The following SFXN5 variants were observed in gnomAD, a reference collection of about 807,000 sequenced individuals.
SFXN5 encodes the protein sideroflexin 5.
Under a neutral mutation model 50.2 loss-of-function variants are expected in SFXN5, and 43 were observed. The observed-to-expected ratio is 0.86, with a 90% confidence interval of 0.67 to 1.11. SFXN5 has a LOEUF of 1.11. Among genes scored for constraint, SFXN5 ranks in the 50% least tolerant of loss-of-function variants. The probability of loss-of-function intolerance (pLI) is 0.00; values close to 1 mark genes in which losing one functional copy is unlikely to be tolerated. For missense variants in SFXN5, 463 were observed against 454.1 expected (o/e 1.02, Z -0.18); for synonymous variants, 203 against 185.8 (o/e 1.09, Z -0.75).
At chr2:73,000,330 C>A (rs1356566945) in intron 8 of SFXN5, 101 bp downstream of exon 8, 17 of 1,196,366 alleles carry the variant, frequency 1.4e-5, no homozygotes, top group Non-Finnish European at 1.5e-5. Flanking sequence ...CCATGCTTAA[C>A]CAAGAGGCAG....
intron 6 of SFXN5, among the ~76,000 whole-genome samples, chr2:73,016,229 C>T (rs946334864): frequency 2.6e-5 from 4 of 151,942 alleles, no homozygotes; most frequent in Non-Finnish European, 5.9e-5. Context: ...AGATATATTC[C>T]AACAATATCA....
intron 1 of SFXN5, among the ~76,000 whole-genome samples, chr2:73,068,665 C>G (rs944714418): frequency 1.3e-5 from 2 of 151,988 alleles, no homozygotes; most frequent in Admixed American, 6.6e-5. Flanking sequence ...TCTTAACTGC[C>G]AGGCACTGTG....
At chr2:72,972,713 A>G (rs938545091) in intron 10 of SFXN5, among the ~76,000 whole-genome samples, 1 of 152,174 alleles carries the variant, frequency 6.6e-6, no homozygotes, top group Non-Finnish European at 1.5e-5. Context: ...GTGGGGGGTG[A>G]CAAATGCAGA....
chr2:72,986,689 T>C (rs1671963975), intron 10 of SFXN5, among the ~76,000 whole-genome samples: 2 of 152,344 alleles, frequency 1.3e-5, no homozygotes, highest in Non-Finnish European at 2.9e-5. Context: ...TTTTTAGTTT[T>C]AAAAACTCCT....
At chr2:73,008,060 C>T (rs552234688) in intron 6 of SFXN5, among the ~76,000 whole-genome samples, 263 of 152,188 alleles carry the variant, frequency 1.7e-3, no homozygotes, top group Non-Finnish European at 3.1e-3. Context: ...AGGGATGAGG[C>T]GGCTTGGGAG....
At chr2:72,984,529 T>C (rs1439115893) in intron 10 of SFXN5, among the ~76,000 whole-genome samples, 1 of 151,976 alleles carries the variant, frequency 6.6e-6, no homozygotes, top group Non-Finnish European at 1.5e-5. Context: ...CTGGGAGGCC[T>C]GGGCTCTGGC....
chr2:73,027,017 G>A (rs1327544261), intron 3 of SFXN5, among the ~76,000 whole-genome samples: 5 of 152,138 alleles, frequency 3.3e-5, no homozygotes, highest in African/African-American at 7.2e-5. Context: ...GTGAGCCACC[G>A]TGCCCAGCCA....
rs1671755628 is a variant in SFXN5 at position 72,944,870 on chromosome 2, G to A, written c.*152C>T. The stretch of plus-strand genomic sequence containing the variant: ...CCTATGTTAAAATGTGAATGGGTCA[G>A]TCTCCCTCCACTGTAGGTTGAGCAC... On this transcript the variant is annotated 3_prime_UTR_variant, in exon 14 of 14. Coordinates refer to ENST00000272433, the MANE Select transcript of SFXN5 (RefSeq NM_144579.3). The A allele has an allele frequency of 3.2e-6, 2 of 626,744 alleles. No homozygotes were observed. The highest frequency in any genetic ancestry group is 1.8e-5 in the African/African-American group (1 of 54,068). 38.8% of individuals were successfully genotyped at this position (626,744 alleles called of 1,614,324 possible).
intron 6 of SFXN5, among the ~76,000 whole-genome samples, chr2:73,014,848 T>G (rs1675956020): frequency 6.6e-6 from 1 of 152,224 alleles, no homozygotes; most frequent in Non-Finnish European, 1.5e-5. Flanking sequence ...TGTATACTTG[T>G]CTTACATCCA....
chr2:72,965,965 C>G (rs1218448099), intron 12 of SFXN5, among the ~76,000 whole-genome samples: 1 of 152,194 alleles, frequency 6.6e-6, no homozygotes, highest in Non-Finnish European at 1.5e-5. Context: ...TAAGGAGGGC[C>G]TGTCTGAGAC....
At chr2:73,043,000 A>C (rs1467362184) in intron 2 of SFXN5, among the ~76,000 whole-genome samples, 1 of 152,166 alleles carries the variant, frequency 6.6e-6, no homozygotes, top group East Asian at 1.9e-4. Flanking sequence ...CCTGGGGGGC[A>C]AAGGTTGCAG....
Position 73,058,442 on chromosome 2 carries a change from T to C in SFXN5, c.171+86A>G, listed in dbSNP as rs1353461840. The C allele has an allele frequency of 3.0e-6, 4 of 1,312,630 alleles. No individual in the cohort carries two copies. The African/African-American group carries it at 5.8e-5, about 19-fold the overall frequency. 81.3% of individuals were successfully genotyped at this position (1,312,630 alleles called of 1,614,324 possible). On this transcript the variant is annotated intron_variant, in intron 2 of 13. Coordinates refer to ENST00000272433, the MANE Select transcript of SFXN5 (RefSeq NM_144579.3). Reference sequence around the variant, plus strand: ...CTCCCCTATTCTCTTCACTCCCCCATCCTCACCCTCCCTTAATGACCCACA... The same window carrying C: ...CTCCCCTATTCTCTTCACTCCCCCACCCTCACCCTCCCTTAATGACCCACA...
At chr2:73,007,122 T>G (rs914188594) in intron 6 of SFXN5, among the ~76,000 whole-genome samples, 3 of 152,116 alleles carry the variant, frequency 2.0e-5, no homozygotes, top group Non-Finnish European at 4.4e-5. Flanking sequence ...CAGCTGAAGA[T>G]AAAGGCAGGA....
At chr2:73,018,306 C>T (rs1676420964) in intron 6 of SFXN5, among the ~76,000 whole-genome samples, 1 of 151,702 alleles carries the variant, frequency 6.6e-6, no homozygotes, top group Non-Finnish European at 1.5e-5. Flanking sequence ...AAAAGATGAA[C>T]CTAGAATATC....
intron 6 of SFXN5, among the ~76,000 whole-genome samples, chr2:73,009,784 T>A (rs978711154): frequency 6.6e-6 from 1 of 152,172 alleles, no homozygotes; most frequent in African/African-American, 2.4e-5. Context: ...TGGATCAGCA[T>A]CCAAGTCTCC....
chr2:73,023,380 G>A (rs917141638), intron 3 of SFXN5, among the ~76,000 whole-genome samples, 166 bp from the exon 4 acceptor site: 1 of 152,190 alleles, frequency 6.6e-6, no homozygotes, highest in Non-Finnish European at 1.5e-5. Context: ...CCTATCCTGG[G>A]GGGGGTGACA....
intron 2 of SFXN5, among the ~76,000 whole-genome samples, chr2:73,047,292 A>C (rs1680592872): frequency 9.9e-6 from 1 of 100,884 alleles, no homozygotes; most frequent in African/African-American, 4.3e-5. Context: ...ATATATATAT[A>C]TATATAAAAT....
intron 1 of SFXN5, chr2:73,059,433 C>T (rs559972644): frequency 1.0e-6 from 1 of 985,438 alleles, no homozygotes; most frequent in African/African-American, 1.7e-5. Flanking sequence ...ACTCTCCAAG[C>T]ACCATCCTTT....
At chr2:72,946,623 T>C (rs1266216485) in intron 13 of SFXN5, among the ~76,000 whole-genome samples, 1 of 151,976 alleles carries the variant, frequency 6.6e-6, no homozygotes, top group Non-Finnish European at 1.5e-5. Context: ...CCACCTGAAA[T>C]GGAACTGAAC....
Sources: gnomAD v4.1 joint callset for allele counts (sites outside exome capture counted in the v4.1 genomes callset) on GRCh38, gnomAD v4.1.1 for gene constraint, MANE v1.5 for transcripts, NCBI Gene and HGNC (gene_info 2026-07-23, HGNC 2026-07-21) for gene names.